The following DCUN1D2 variants were observed in gnomAD, a reference collection of about 807,000 sequenced individuals.
DCUN1D2 encodes the protein DCN1-like protein 2.
A neutral mutation model predicts 30.9 loss-of-function variants in DCUN1D2; 29 were observed. The ratio of observed to expected loss-of-function variants is 0.94; its 90% CI spans 0.70 to 1.28. The LOEUF (loss-of-function observed/expected upper bound fraction) is 1.28, where lower values mean the gene tolerates loss of function less well. DCUN1D2 is among the 50% of genes most tolerant of loss of function. The pLI, the probability that DCUN1D2 is intolerant of heterozygous loss-of-function variation, is 0.00. For missense variants in DCUN1D2, 325 were observed against 316.9 expected (o/e 1.03, Z -0.19); for synonymous variants, 121 against 115.3 (o/e 1.05, Z -0.32).
intron 2 of DCUN1D2, among the ~76,000 whole-genome samples, chr13:113,483,492 T>C (rs373236555): frequency 2.0e-5 from 3 of 152,106 alleles, no homozygotes; most frequent in East Asian, 3.9e-4. Context: ...AAAAAAATAC[T>C]GTATTAACAG....
chr13:113,480,130 G>T (rs973082556), intron 3 of DCUN1D2, among the ~76,000 whole-genome samples: 2 of 152,144 alleles, frequency 1.3e-5, no homozygotes, highest in African/African-American at 4.8e-5. Flanking sequence ...AACACCTTAA[G>T]TTATTAATGA....
Position 113,480,592 on chromosome 13 carries a change from A to G in DCUN1D2, c.372T>C (p.Asp124=). The change falls in exon 3 of 7, where the codon GAT becomes GAC. Residue 124 remains aspartate (D), a synonymous_variant. Transcript: ENST00000478244. The stretch of plus-strand genomic sequence containing the variant: ...TGACTTACCCAAGTTCTGTCATGCC[A>G]TCTAGAAATTCCTTTCTGCTAAATT... The part of the protein sequence containing the change: ...QCEFSRKEFL[D]GMTELGCDSM... The G allele has an allele frequency of 6.2e-7, 1 of 1,614,160 alleles. No individual in the cohort carries two copies. The highest frequency in any genetic ancestry group is 8.5e-7 in the Non-Finnish European group (1 of 1,180,014).
chr13:113,490,618 C>G lies in DCUN1D2; in HGVS notation c.3+49G>C, dbSNP rs2044949228. 1.7e-6 allele frequency: 2 copies of G among 1,210,574 alleles called. No individual in the cohort carries two copies. Among genetic ancestry groups the G allele is most frequent in the Non-Finnish European group, 2.1e-6 (2 of 973,072 alleles). The allele number at this position is 1,210,574 out of a possible 1,614,324, so 75.0% of individuals were successfully genotyped here. A position where few individuals can be genotyped will look rare whatever the true frequency, so the allele number is the denominator to read the frequency against. On this transcript the variant is annotated intron_variant, in intron 1 of 6. Transcript: ENST00000478244. The surrounding 1 kb of genome is among the most constrained non-coding windows in gnomAD (Gnocchi z 5.2). ...CGCCGCCTGCGCCGACCTTGGGGCC[C>G]GACCCCGACCCCGACCCCGACGGGC...
rs2139667822 is a variant in DCUN1D2, at chr13:113,458,025, C to T, written c.*4G>A. Reference sequence around the variant, plus strand: ...CATAATCTTACTCCTGCTTAACTTGCTGCCTAGAAAAGGCTGCGTTTTCCA... The same window carrying T: ...CATAATCTTACTCCTGCTTAACTTGTTGCCTAGAAAAGGCTGCGTTTTCCA... On this transcript the variant is annotated 3_prime_UTR_variant, in exon 7 of 7. Transcript: ENST00000478244. 1 of 1,613,086 alleles carries T rather than the reference C, an allele frequency of 6.2e-7. No individual in the cohort carries two copies. Among genetic ancestry groups the T allele is most frequent in the South Asian group, 1.1e-5 (1 of 91,056 alleles).
chr13:113,476,322 T>C (rs1393871300), intron 3 of DCUN1D2, among the ~76,000 whole-genome samples: 1 of 152,176 alleles, frequency 6.6e-6, no homozygotes, highest in Non-Finnish European at 1.5e-5. Context: ...CTCCACGCAT[T>C]TGCACTCACA....
chr13:113,468,407 G>A lies in DCUN1D2; in HGVS notation c.520+5717C>T, dbSNP rs373918711. 5.0e-4 allele frequency among the ~76,000 whole-genome samples: 76 copies of A among 152,250 alleles called. 1 individual carries two copies. The highest frequency in any genetic ancestry group is 1.7e-3 in the African/African-American group (71 of 41,538). ...GGAGTGGGGAGCCAGTGTTTGATGG[G>A]GACAGCGTTTCAGTTTGGGAAGATG... On this transcript the variant is annotated intron_variant, in intron 4 of 6. Transcript: ENST00000478244.
intron 4 of DCUN1D2, among the ~76,000 whole-genome samples, chr13:113,473,355 G>A (rs963738079): frequency 6.6e-6 from 1 of 152,088 alleles, no homozygotes; most frequent in African/African-American, 2.4e-5. Flanking sequence ...CCTGCTGCAG[G>A]GTTAGGAGTG....
chr13:113,487,329 GC>G (rs2044823082), intron 1 of DCUN1D2, among the ~76,000 whole-genome samples: 1 of 152,188 alleles, frequency 6.6e-6, no homozygotes, highest in African/African-American at 2.4e-5. Flanking sequence ...TTAAAAATCT[GC>G]CATGGTTATA....
rs1481206902 is a variant in DCUN1D2 at position 113,488,984 on chromosome 13, TTTAA to T, written c.3+1679_3+1682del. The T allele has an allele frequency of 3.4e-5, 12 of 348,240 alleles. No individual in the cohort carries two copies. Among genetic ancestry groups the T allele is most frequent in the African/African-American group, 1.6e-4 (7 of 44,946 alleles). 21.6% of individuals were successfully genotyped at this position (348,240 alleles called of 1,614,324 possible). Reference sequence around the variant, plus strand: ...TAAACTATAAAAAAGTCTCAAACACTTTAATTGTGACCTTGTGAAATACGACTCA... The same window carrying T: ...TAAACTATAAAAAAGTCTCAAACACTTTGTGACCTTGTGAAATACGACTCA... On this transcript the variant is annotated intron_variant, in intron 1 of 6. Coordinates refer to ENST00000478244, the MANE Select transcript of DCUN1D2 (RefSeq NM_001014283.2). This position sits in a 1 kb window ranked among gnomAD's most constrained non-coding sequence, Gnocchi z 4.3.
intron 4 of DCUN1D2, among the ~76,000 whole-genome samples, chr13:113,461,342 G>C (rs905841420): frequency 6.6e-6 from 1 of 152,172 alleles, no homozygotes; most frequent in Non-Finnish European, 1.5e-5. Flanking sequence ...TTTTTAAAAG[G>C]ATTTGTATAT....
In DCUN1D2 at chr13:113,459,390, T is replaced by C; in HGVS notation, c.622A>G (p.Ile208Val). The C allele has an allele frequency of 1.3e-6, 2 of 1,579,922 alleles. No individual in the cohort carries two copies. Among genetic ancestry groups the C allele is most frequent in the Non-Finnish European group, 1.7e-6 (2 of 1,148,876 alleles). Residue 208 changes from isoleucine (I) to valine (V), a missense_variant, in exon 6 of 7, where the codon ATT (isoleucine) becomes GTT (valine). Coordinates refer to ENST00000478244, the MANE Select transcript of DCUN1D2 (RefSeq NM_001014283.2). ...AGGAGGTTCCAGGTGTCCCTTGGAATTGATCTTTTGTGATGTTCCTAATAT... is the reference window on the plus strand; with the variant it reads ...AGGAGGTTCCAGGTGTCCCTTGGAACTGATCTTTTGTGATGTTCCTAATAT... ...TFLMEHHKRS[I>V]PRDTWNLLLD...
chr13:113,485,342 T>C (rs921847337), intron 1 of DCUN1D2, among the ~76,000 whole-genome samples: 6 of 152,192 alleles, frequency 3.9e-5, no homozygotes, highest in South Asian at 4.1e-4. Context: ...CAAAAGTATA[T>C]AGAAGGATAA....
At chr13:113,465,307 T>C (rs1230196145) in intron 4 of DCUN1D2, among the ~76,000 whole-genome samples, 1 of 152,114 alleles carries the variant, frequency 6.6e-6, no homozygotes, top group Non-Finnish European at 1.5e-5. Context: ...ATCCTCACTT[T>C]GGAAAGGAAG....
At chr13:113,485,674 A>C (rs954651060) in intron 1 of DCUN1D2, among the ~76,000 whole-genome samples, 1 of 151,642 alleles carries the variant, frequency 6.6e-6, no homozygotes, top group South Asian at 2.1e-4. Context: ...TTTTTGAGAC[A>C]GGCAATCAAA....
intron 4 of DCUN1D2, 60 bp downstream of exon 4, chr13:113,474,064 C>G: frequency 6.4e-7 from 1 of 1,573,904 alleles, no homozygotes; most frequent in Non-Finnish European, 8.7e-7. Flanking sequence ...TCATGTTGCT[C>G]ACGTCCACTG....
rs1357951709 is a variant in DCUN1D2, at chr13:113,480,777, C to G, written c.221-34G>C. 2.5e-6 allele frequency: 4 copies of G among 1,609,560 alleles called. No individual in the cohort carries two copies. The African/African-American group carries it at 5.4e-5, about 22-fold the overall frequency. The stretch of plus-strand genomic sequence containing the variant: ...AATATCAGGGGAAAAGGAAGTTATA[C>G]TATTTTGAAAAGTAATTCTAAAATA... On this transcript the variant is annotated intron_variant, in intron 2 of 6. Transcript: ENST00000478244.
At chr13:113,489,842 G>A (rs1566511480) in intron 1 of DCUN1D2, among the ~76,000 whole-genome samples, 1 of 151,914 alleles carries the variant, frequency 6.6e-6, no homozygotes, top group Non-Finnish European at 1.5e-5. Context: ...TCCCACAGCC[G>A]CATCCTACAA....
At chr13:113,467,207 T>C (rs2044420305) in intron 4 of DCUN1D2, among the ~76,000 whole-genome samples, 1 of 152,084 alleles carries the variant, frequency 6.6e-6, no homozygotes, top group Non-Finnish European at 1.5e-5. Flanking sequence ...AGACCACAAG[T>C]AATATTGCTG....
intron 1 of DCUN1D2, among the ~76,000 whole-genome samples, chr13:113,489,886 A>T (rs1442043310): frequency 2.0e-5 from 3 of 151,822 alleles, no homozygotes; most frequent in African/African-American, 7.3e-5. Context: ...CTTTGTCCCA[A>T]CTGTGGTCAA....
Sources: gnomAD v4.1 joint callset for allele counts (sites outside exome capture counted in the v4.1 genomes callset) on GRCh38, gnomAD v4.1.1 for gene constraint, Gnocchi (gnomAD v3.1) non-coding constraint, MANE v1.5 for transcripts, NCBI Gene and HGNC (gene_info 2026-07-23, HGNC 2026-07-21) for gene names.